MEOX1: variants seen among roughly 807,000 people sequenced by gnomAD.
MEOX1 encodes homeobox protein MOX-1.
MEOX1 carries 17 observed loss-of-function variants against 23.2 expected under a neutral mutation model. The ratio of observed to expected loss-of-function variants is 0.73; its 90% CI spans 0.50 to 1.10. The LOEUF is 1.10. Ranked by LOEUF, MEOX1 falls within the 50% of genes least tolerant of loss-of-function variation. The pLI, the probability that MEOX1 is intolerant of heterozygous loss-of-function variation, is 0.00. For missense variants in MEOX1, 333 were observed against 332.2 expected (o/e 1.00, Z -0.02); for synonymous variants, 134 against 135.1 (o/e 0.99, Z 0.06).
intron 1 of MEOX1, among the ~76,000 whole-genome samples, chr17:43,648,590 G>A (rs886559405): frequency 1.3e-5 from 2 of 152,150 alleles, no homozygotes; most frequent in Non-Finnish European, 2.9e-5. Flanking sequence ...GTTTCCCCAT[G>A]TGTAGAAGTA....
chr17:43,643,146 T>TA (rs58390408), intron 2 of MEOX1, among the ~76,000 whole-genome samples: 105 of 146,488 alleles, frequency 7.2e-4, no homozygotes, highest in Non-Finnish European at 7.3e-4. Flanking sequence ...CCGCCTCTAC[T>TA]AAAAAAAAAA....
intron 1 of MEOX1, among the ~76,000 whole-genome samples, chr17:43,656,754 C>T (rs1335891089): frequency 6.6e-6 from 1 of 152,134 alleles, no homozygotes; most frequent in Non-Finnish European, 1.5e-5. Flanking sequence ...CATGAGGAAA[C>T]CACCGCAAAA....
intron 1 of MEOX1, among the ~76,000 whole-genome samples, chr17:43,656,406 C>G (rs1973020349): frequency 6.6e-6 from 1 of 151,652 alleles, no homozygotes; most frequent in Non-Finnish European, 1.5e-5. Context: ...TGGAGGGGAC[C>G]TGGGGCGGGG....
At chr17:43,651,789 G>A (rs12937050) in intron 1 of MEOX1, among the ~76,000 whole-genome samples, 46,024 of 152,136 alleles carry the variant, frequency 0.3, 8,472 homozygotes, top group African/African-American at 0.52. Context: ...ATAGGTGAGC[G>A]GGCAGGAATC....
chr17:43,643,974 C>G (rs914582805), intron 1 of MEOX1, among the ~76,000 whole-genome samples: 1 of 150,696 alleles, frequency 6.6e-6, no homozygotes, highest in Non-Finnish European at 1.5e-5. Flanking sequence ...GCCCACCCCC[C>G]AGCATGACAT....
At chr17:43,647,180 A>C (rs1438091466) in intron 1 of MEOX1, among the ~76,000 whole-genome samples, 1 of 151,884 alleles carries the variant, frequency 6.6e-6, no homozygotes, top group African/African-American at 2.4e-5. Context: ...CCCCTTTAGC[A>C]CTCTTAACAT....
intron 2 of MEOX1, 91 bp downstream of exon 2, chr17:43,643,397 A>T: frequency 8.2e-7 from 1 of 1,225,306 alleles, no homozygotes; most frequent in Non-Finnish European, 1.1e-6. Flanking sequence ...GGAGGAAGAA[A>T]AAGGAGAAGG....
chr17:43,657,152 C>CTCTT (rs201907759), intron 1 of MEOX1, among the ~76,000 whole-genome samples: 50 of 108,628 alleles, frequency 4.6e-4, no homozygotes, highest in African/African-American at 1.2e-3. Flanking sequence ...CTTTCTCTCT[C>CTCTT]TCTTTCTTTC....
At chr17:43,643,771 G>A (rs1567742085) in intron 1 of MEOX1, 111 bp from the exon 2 acceptor site, 3 of 749,546 alleles carry the variant, frequency 4.0e-6, no homozygotes, top group Non-Finnish European at 2.0e-6. Flanking sequence ...TATTTTTACA[G>A]GATGCTGAGA....
At chr17:43,644,348 A>G (rs1972763031) in intron 1 of MEOX1, among the ~76,000 whole-genome samples, 1 of 152,268 alleles carries the variant, frequency 6.6e-6, no homozygotes, top group South Asian at 2.1e-4. Flanking sequence ...CTGGAAAGCC[A>G]TCTGGAGCCC....
intron 1 of MEOX1, among the ~76,000 whole-genome samples, chr17:43,657,055 T>TTTCTTTCCTTCC (rs777740594): frequency 1.5e-5 from 2 of 136,350 alleles, no homozygotes; most frequent in African/African-American, 5.7e-5. Context: ...TCTTTCTTTC[T>TTTCTTTCCTTCC]TTCCTTCCTT....
chr17:43,647,845 C>G (rs1972839629), intron 1 of MEOX1, among the ~76,000 whole-genome samples: 1 of 152,176 alleles, frequency 6.6e-6, no homozygotes, highest in South Asian at 2.1e-4. Flanking sequence ...AACTGACGGT[C>G]TCAGCTAACT....
At chr17:43,659,566 G>C (rs1222805566) in intron 1 of MEOX1, among the ~76,000 whole-genome samples, 1 of 152,152 alleles carries the variant, frequency 6.6e-6, no homozygotes, top group Non-Finnish European at 1.5e-5. Context: ...CAATTCTTCT[G>C]TTTGCCTGGG....
At chr17:43,651,892 T>C (rs189641827) in intron 1 of MEOX1, among the ~76,000 whole-genome samples, 234 of 152,324 alleles carry the variant, frequency 1.5e-3, no homozygotes, top group African/African-American at 5.4e-3. Flanking sequence ...GATCTTTCCC[T>C]CTTCGATGTT....
chr17:43,646,106 C>T (rs971880369), intron 1 of MEOX1, among the ~76,000 whole-genome samples: 3 of 152,144 alleles, frequency 2.0e-5, no homozygotes, highest in Non-Finnish European at 4.4e-5. Context: ...GTTGGCCGCC[C>T]GCGGGGCGCG....
chr17:43,661,500 A>G lies in MEOX1; in HGVS notation c.35T>C (p.Leu12Pro). Residue 12 changes from leucine to proline, a missense_variant, in exon 1 of 3, where the codon CTC (leucine) becomes CCC (proline). Leu to Pro is a moderately conservative substitution (Grantham distance 98). Transcript: ENST00000318579. ...DPAASSCMRS[L>P]QPPAPVWGCL... The stretch of plus-strand genomic sequence containing the variant: ...GCCCCAGACAGGGGCTGGGGGCTGG[A>G]GGCTCCTCATGCAGCTGCTGGCCGC... 2 of 1,594,340 alleles carry G rather than the reference A, an allele frequency of 1.3e-6. No individual in the cohort carries two copies. The highest frequency in any genetic ancestry group is 1.7e-6 in the Non-Finnish European group (2 of 1,171,390).
chr17:43,660,074 G>A (rs1166249867), intron 1 of MEOX1, among the ~76,000 whole-genome samples: 1 of 152,238 alleles, frequency 6.6e-6, no homozygotes, highest in Non-Finnish European at 1.5e-5. Flanking sequence ...GTGCCCCTGA[G>A]GGCGGCTGTC....
intron 1 of MEOX1, among the ~76,000 whole-genome samples, chr17:43,645,841 T>G (rs1323777364): frequency 3.3e-5 from 5 of 152,184 alleles, no homozygotes; most frequent in Non-Finnish European, 5.9e-5. Context: ...CCCTTTGTAT[T>G]TCAGTTTCCC....
chr17:43,658,240 G>A lies in MEOX1; in HGVS notation c.469+2826C>T, dbSNP rs139094587. On this transcript the variant is annotated intron_variant, in intron 1 of 2. Coordinates refer to ENST00000318579, the MANE Select transcript of MEOX1 (RefSeq NM_004527.4). ...GATCAATAATATTTTAAGGAAGGCC[G>A]GGCACGGTGGCGCATGCCAGCACTT... Among the ~76,000 whole-genome samples the A allele has an allele frequency of 9.8e-5, 15 of 152,330 alleles. No individual in the cohort carries two copies. In the East Asian group the frequency reaches 1.7e-3, roughly 18 times the overall value.
Sources: allele counts gnomAD v4.1 joint callset (sites outside exome capture counted in the v4.1 genomes callset), GRCh38; gene constraint gnomAD v4.1.1; transcripts MANE v1.5; gene names NCBI Gene and HGNC (gene_info 2026-07-23, HGNC 2026-07-21).